CSGALNACT1: variants seen among roughly 807,000 people sequenced by gnomAD.
CSGALNACT1 encodes chondroitin sulfate N-acetylgalactosaminyltransferase 1.
A neutral mutation model predicts 51.0 loss-of-function variants in CSGALNACT1; 52 were observed. The observed-to-expected ratio is 1.02, with a 90% CI of 0.82 to 1.29. CSGALNACT1 has a LOEUF of 1.29. CSGALNACT1 is among the 50% of genes most tolerant of loss of function. The pLI is 0.00. For synonymous variants in CSGALNACT1, 341 were observed against 254.4 expected (o/e 1.34, Z -3.24); for missense variants, 935 against 679.2 (o/e 1.38, Z -4.19).
At chr8:19,605,412 G>T (rs1267825940), upstream of CSGALNACT1, among the ~76,000 whole-genome samples, 1 of 152,128 alleles carries the variant, frequency 6.6e-6, no homozygotes, top group African/African-American at 2.4e-5. Context: ...CTCCAGCCTG[G>T]GGGAGAGAGT....
chr8:19,544,538 C>T (rs932917960), intron 3 of CSGALNACT1, among the ~76,000 whole-genome samples: 20 of 152,250 alleles, frequency 1.3e-4, no homozygotes, highest in Admixed American at 3.9e-4. Context: ...CCAAAGATAA[C>T]TCCGAACAGA....
At chr8:19,741,423 C>T (rs1033398976) in intron 1 of CSGALNACT1, among the ~76,000 whole-genome samples, 2 of 152,096 alleles carry the variant, frequency 1.3e-5, no homozygotes, top group African/African-American at 2.4e-5. Context: ...ATTAGCCGGG[C>T]GTGGTGGCAC....
At chr8:19,664,709 C>CA (rs1303286257) in intron 1 of CSGALNACT1, among the ~76,000 whole-genome samples, 1 of 151,658 alleles carries the variant, frequency 6.6e-6, no homozygotes, top group Non-Finnish European at 1.5e-5. Flanking sequence ...TACTCAGCCA[C>CA]AAAAAAAGAA....
chr8:19,666,809 A>AAGAAAGAAAGAAAGAGAG lies in CSGALNACT1; in HGVS notation c.-544+15663_-544+15664insCTCTCTTTCTTTCTTTCT, dbSNP rs1564383214. On this transcript the variant is annotated intron_variant, in intron 1 of 9. Transcript: ENST00000332246. Reference sequence around the variant, plus strand: ...AAAGAAAGAAAGAAAGAAAGAAAGAAAGAGAGAGAGAGAGAGAGAGAGAGA... The same window carrying AAGAAAGAAAGAAAGAGAG: ...AAAGAAAGAAAGAAAGAAAGAAAGAAAGAAAGAAAGAAAGAGAGAGAGAGAGAGAGAGAGAGAGAGAGA... Among the ~76,000 whole-genome samples, 17 of 25,108 alleles carry AAGAAAGAAAGAAAGAGAG rather than the reference A, an allele frequency of 6.8e-4. No individual in the cohort carries two copies. In the East Asian group the frequency reaches 7.5e-3, roughly 11 times the overall value. 16.5% of individuals were successfully genotyped at this position (25,108 alleles called of 152,430 possible). A position where few individuals can be genotyped will look rare whatever the true frequency, so the allele number is the denominator to read the frequency against.
At chr8:19,629,448 T>C (rs2054910619) in intron 1 of CSGALNACT1, among the ~76,000 whole-genome samples, 1 of 152,232 alleles carries the variant, frequency 6.6e-6, no homozygotes, top group African/African-American at 2.4e-5. Context: ...GCTGTTCCCA[T>C]TTCATAGATA....
At chr8:19,731,693 T>C (rs1386619993) in intron 1 of CSGALNACT1, among the ~76,000 whole-genome samples, 1 of 152,158 alleles carries the variant, frequency 6.6e-6, no homozygotes, top group Non-Finnish European at 1.5e-5. Context: ...TGAAGGTACT[T>C]AATGCCACCA....
intron 1 of CSGALNACT1, among the ~76,000 whole-genome samples, chr8:19,753,535 G>C (rs1030891760): frequency 2.6e-5 from 4 of 152,098 alleles, no homozygotes; most frequent in African/African-American, 9.7e-5. Context: ...TGGTTTCGTT[G>C]GGTTTTGTCC....
At chr8:19,561,899 G>T (rs1486204149) in intron 3 of CSGALNACT1, among the ~76,000 whole-genome samples, 1 of 152,162 alleles carries the variant, frequency 6.6e-6, no homozygotes, top group African/African-American at 2.4e-5. Context: ...GCCCAGATGG[G>T]TGGGGAGGGA....
intron 1 of CSGALNACT1, among the ~76,000 whole-genome samples, chr8:19,690,032 A>T (rs2061211814): frequency 6.6e-6 from 1 of 152,220 alleles, no homozygotes; most frequent in Non-Finnish European, 1.5e-5. Context: ...TTGAGTTTCA[A>T]ACTAAATGTG....
intron 5 of CSGALNACT1, among the ~76,000 whole-genome samples, chr8:19,448,416 G>A (rs138612488): frequency 2.3e-4 from 35 of 152,212 alleles, no homozygotes; most frequent in Middle Eastern, 3.4e-3. Flanking sequence ...TCCTATATCC[G>A]AGAAAATTTC....
chr8:19,439,476 C>A (rs2060944356), intron 6 of CSGALNACT1, among the ~76,000 whole-genome samples: 1 of 152,220 alleles, frequency 6.6e-6, no homozygotes, highest in Non-Finnish European at 1.5e-5. Context: ...CAGCTGTGCT[C>A]TCCCTAATTC....
At chr8:19,475,767 A>G (rs962374238) in intron 4 of CSGALNACT1, among the ~76,000 whole-genome samples, 2 of 152,252 alleles carry the variant, frequency 1.3e-5, no homozygotes, top group East Asian at 1.9e-4. Flanking sequence ...TGGTCACGCT[A>G]AACTCCTGTG....
At chr8:19,583,823 A>T (rs1379903332) in intron 3 of CSGALNACT1, among the ~76,000 whole-genome samples, 5 of 152,240 alleles carry the variant, frequency 3.3e-5, no homozygotes, top group Admixed American at 1.3e-4. Flanking sequence ...GCTCTGCAGT[A>T]ACTGAGCAAT....
intron 3 of CSGALNACT1, among the ~76,000 whole-genome samples, chr8:19,511,152 A>C (rs1043407894): frequency 2.0e-5 from 3 of 152,268 alleles, no homozygotes; most frequent in Non-Finnish European, 4.4e-5. Flanking sequence ...GCAGCACTAC[A>C]TGCTACAATG....
intron 4 of CSGALNACT1, among the ~76,000 whole-genome samples, chr8:19,480,668 T>C (rs1407074449): frequency 2.6e-5 from 4 of 152,224 alleles, no homozygotes; most frequent in African/African-American, 7.2e-5. Context: ...TGACCCATCA[T>C]TGGGAATTTC....
intron 1 of CSGALNACT1, among the ~76,000 whole-genome samples, chr8:19,720,356 G>T (rs763163647): frequency 2.0e-5 from 3 of 152,160 alleles, no homozygotes; most frequent in Non-Finnish European, 2.9e-5. Flanking sequence ...AAACTCGGAG[G>T]AATAATCATA....
In CSGALNACT1 at chr8:19,488,346, T is replaced by C. The variant is rs571366827; in HGVS notation, c.634+16855A>G. On this transcript the variant is annotated intron_variant, in intron 4 of 9. Coordinates refer to ENST00000454498, the Ensembl canonical transcript of CSGALNACT1. ...GTCTGAGCAACAGAGCGAGACTCCA[T>C]CTCATTATATATATTTATATATACA... Among the ~76,000 whole-genome samples the C allele has an allele frequency of 2.8e-5, 4 of 141,302 alleles. No homozygotes were observed. In the South Asian group the frequency reaches 9.0e-4, roughly 32 times the overall value. The allele number at this position is 141,302 out of a possible 152,430, so 92.7% of individuals were successfully genotyped here.
At chr8:19,608,937 C>T (rs918078539) in intron 1 of CSGALNACT1, among the ~76,000 whole-genome samples, 6 of 152,160 alleles carry the variant, frequency 3.9e-5, no homozygotes, top group Admixed American at 6.5e-5. Flanking sequence ...CAAAAATGGA[C>T]TTGCCTCCCA....
At chr8:19,449,745 A>T (rs2062761204) in intron 5 of CSGALNACT1, among the ~76,000 whole-genome samples, 1 of 151,534 alleles carries the variant, frequency 6.6e-6, no homozygotes, top group South Asian at 2.1e-4. Context: ...GCAACATGAA[A>T]AAGGGTTCTC....
Sources: gnomAD v4.1 joint callset for allele counts (sites outside exome capture counted in the v4.1 genomes callset) on GRCh38, gnomAD v4.1.1 for gene constraint, MANE v1.5 for transcripts, NCBI Gene and HGNC (gene_info 2026-07-23, HGNC 2026-07-21) for gene names.